The following RTN1 variants were observed in gnomAD, a reference collection of about 807,000 sequenced individuals.
RTN1 encodes the protein reticulon-1.
A neutral mutation model predicts 65.5 loss-of-function variants in RTN1; 25 were observed. The observed-to-expected ratio is 0.38, with a 90% confidence interval of 0.28 to 0.53. The LOEUF is 0.53. Among genes scored for constraint, RTN1 ranks in the 20% least tolerant of loss-of-function variants. RTN1 has a pLI of 0.79. For synonymous variants in RTN1, 471 were observed against 447.6 expected (o/e 1.05, Z -0.66); for missense variants, 983 against 1,025.4 (o/e 0.96, Z 0.57).
intron 3 of RTN1, among the ~76,000 whole-genome samples, chr14:59,693,889 A>G (rs1044502145): frequency 7.2e-5 from 11 of 152,188 alleles, no homozygotes; most frequent in Non-Finnish European, 1.2e-4. Context: ...CTATGCCACA[A>G]TGGATGAATG....
At chr14:59,648,116 C>T (rs989579802) in intron 3 of RTN1, among the ~76,000 whole-genome samples, 1 of 152,106 alleles carries the variant, frequency 6.6e-6, no homozygotes, top group African/African-American at 2.4e-5. Flanking sequence ...CCATTGACCC[C>T]ACAGAAATAC....
At chr14:59,609,285 CAA>C (rs71451071) in intron 3 of RTN1, among the ~76,000 whole-genome samples, 1 of 131,054 alleles carries the variant, frequency 7.6e-6, no homozygotes, top group African/African-American at 2.8e-5. Context: ...ACTCTGTCTC[CAA>C]AAAAAAAAAA....
intron 1 of RTN1, among the ~76,000 whole-genome samples, chr14:59,840,270 A>C (rs1001777887): frequency 6.6e-6 from 1 of 152,188 alleles, no homozygotes; most frequent in Admixed American, 6.5e-5. Flanking sequence ...CCATCCATAA[A>C]AACAAGAATC....
rs1886580430 is a variant in RTN1 at position 59,803,282 on chromosome 14, A to G, written c.242-56801T>C. On this transcript the variant is annotated intron_variant, in intron 1 of 8. Coordinates refer to ENST00000267484, the MANE Select transcript of RTN1 (RefSeq NM_021136.3). The surrounding 1 kb of genome is among the most constrained non-coding windows in gnomAD (Gnocchi z 5.6). The stretch of plus-strand genomic sequence containing the variant: ...TGCCCTGACTCTCACGGAGGTCACA[A>G]TTGAACAAATGCCTTTACAAGCTAA... Among the ~76,000 whole-genome samples the G allele has an allele frequency of 6.6e-6, 1 of 152,168 alleles. No homozygotes were observed. The highest frequency in any genetic ancestry group is 2.1e-4 in the South Asian group (1 of 4,830).
chr14:59,658,007 A>ATTG (rs1484654222), intron 3 of RTN1, among the ~76,000 whole-genome samples: 1 of 152,178 alleles, frequency 6.6e-6, no homozygotes, highest in African/African-American at 2.4e-5. Flanking sequence ...TGAAATTCTC[A>ATTG]TTGCGAGCAC....
chr14:59,777,408 G>T (rs545146175), intron 1 of RTN1, among the ~76,000 whole-genome samples: 1 of 152,268 alleles, frequency 6.6e-6, no homozygotes, highest in East Asian at 1.9e-4. Context: ...ATTTGCTAAA[G>T]CTGCAACAAG....
chr14:59,857,282 T>C (rs558890470), intron 1 of RTN1, among the ~76,000 whole-genome samples: 1 of 152,304 alleles, frequency 6.6e-6, no homozygotes, highest in African/African-American at 2.4e-5. Context: ...CTATGGCTTC[T>C]CTTCTAATTT....
chr14:59,750,213 T>C (rs188894656), intron 1 of RTN1, among the ~76,000 whole-genome samples: 742 of 21,882 alleles, frequency 0.034, 13 homozygotes, highest in Middle Eastern at 0.17. Flanking sequence ...ATATATAATA[T>C]ATATATTATA....
chr14:59,729,243 T>A (rs1198527898), intron 2 of RTN1, among the ~76,000 whole-genome samples: 1 of 152,140 alleles, frequency 6.6e-6, no homozygotes, highest in Non-Finnish European at 1.5e-5. Context: ...CTGGGCAAAG[T>A]GAATAAGTTG....
At chr14:59,615,606 T>C (rs1227638862) in intron 3 of RTN1, among the ~76,000 whole-genome samples, 1 of 152,238 alleles carries the variant, frequency 6.6e-6, no homozygotes, top group Non-Finnish European at 1.5e-5. Context: ...GTGAAAATCT[T>C]ACCCTATGGT....
intron 3 of RTN1, among the ~76,000 whole-genome samples, chr14:59,654,530 A>C (rs1233436449): frequency 1.3e-5 from 2 of 152,076 alleles, no homozygotes; most frequent in African/African-American, 2.4e-5. Context: ...TATGAAAAAA[A>C]AAAAAACTAC....
Position 59,846,567 on chromosome 14 carries a change from G to C in RTN1, c.241+23823C>G, listed in dbSNP as rs113530408. On this transcript the variant is annotated intron_variant, in intron 1 of 8. Coordinates refer to ENST00000267484, the MANE Select transcript of RTN1 (RefSeq NM_021136.3). This position sits in a 1 kb window ranked among gnomAD's most constrained non-coding sequence, Gnocchi z 4.8. Reference sequence around the variant, plus strand: ...CCAAGTAAGCATAATGGAAAAAGAAGAGTAAGTGTGTATCCCAAGGGCCTT... The same window carrying C: ...CCAAGTAAGCATAATGGAAAAAGAACAGTAAGTGTGTATCCCAAGGGCCTT... Among the ~76,000 whole-genome samples the C allele has an allele frequency of 2.4e-3, 372 of 152,234 alleles. 1 individual carries two copies. Among genetic ancestry groups the C allele is most frequent in the African/African-American group, 8.5e-3 (352 of 41,534 alleles).
rs1399619423 is a variant in RTN1, at chr14:59,794,477, C to A, written c.242-47996G>T. Among the ~76,000 whole-genome samples the A allele has an allele frequency of 6.6e-6, 1 of 152,174 alleles. No individual in the cohort carries two copies. The highest frequency in any genetic ancestry group is 2.4e-5 in the African/African-American group (1 of 41,446). Reference sequence around the variant, plus strand: ...AGATGTCTTTTTTGTTTTGACCATTCTGAATTGAGTTTCTGTTAGTTGCAA... The same window carrying A: ...AGATGTCTTTTTTGTTTTGACCATTATGAATTGAGTTTCTGTTAGTTGCAA... On this transcript the variant is annotated intron_variant, in intron 1 of 8. Transcript: ENST00000267484. The surrounding 1 kb of genome is among the most constrained non-coding windows in gnomAD (Gnocchi z 5.1).
chr14:59,852,029 C>T (rs981719668), intron 1 of RTN1, among the ~76,000 whole-genome samples: 4 of 152,048 alleles, frequency 2.6e-5, no homozygotes, highest in Non-Finnish European at 4.4e-5. Context: ...TCTCTAACAC[C>T]ACGGATTCAA....
chr14:59,792,206 A>G (rs1345703086), intron 1 of RTN1, among the ~76,000 whole-genome samples: 2 of 152,000 alleles, frequency 1.3e-5, no homozygotes, highest in Non-Finnish European at 2.9e-5. Flanking sequence ...TGGGAGAGGG[A>G]GATTTTGTGA....
intron 8 of RTN1, among the ~76,000 whole-genome samples, chr14:59,597,329 C>T (rs373566089): frequency 2.2e-4 from 34 of 152,286 alleles, no homozygotes; most frequent in African/African-American, 7.9e-4. Flanking sequence ...GTGTGGCATC[C>T]GGCAAGCTAA....
At chr14:59,765,584 T>A (rs928640829) in intron 1 of RTN1, among the ~76,000 whole-genome samples, 1 of 152,318 alleles carries the variant, frequency 6.6e-6, no homozygotes, top group Non-Finnish European at 1.5e-5. Context: ...CAAGCTAGTA[T>A]GTGAATAGTT....
chr14:59,648,436 T>A (rs886272855), intron 3 of RTN1, among the ~76,000 whole-genome samples: 1 of 152,206 alleles, frequency 6.6e-6, no homozygotes, highest in Non-Finnish European at 1.5e-5. Flanking sequence ...CCCCAACTAA[T>A]TCTGTGAGGC....
intron 3 of RTN1, among the ~76,000 whole-genome samples, chr14:59,653,859 A>G (rs2140201171): frequency 6.6e-6 from 1 of 152,266 alleles, no homozygotes; most frequent in East Asian, 1.9e-4. Flanking sequence ...TAAACAGAAT[A>G]TTGTTATAAC....
Sources: gnomAD v4.1 joint callset for allele counts (sites outside exome capture counted in the v4.1 genomes callset) on GRCh38, gnomAD v4.1.1 for gene constraint, Gnocchi (gnomAD v3.1) non-coding constraint, MANE v1.5 for transcripts, NCBI Gene and HGNC (gene_info 2026-07-23, HGNC 2026-07-21) for gene names.